The following SDK1 variants were observed in gnomAD, a reference collection of about 807,000 sequenced individuals.
SDK1 encodes the protein sidekick cell adhesion molecule 1.
In SDK1, 157 loss-of-function variants were observed where a neutral mutation model predicts 245.5. The observed-to-expected ratio is 0.64, with a 90% CI of 0.56 to 0.73. SDK1 has a LOEUF of 0.73. SDK1 is among the 30% of genes least tolerant of loss of function. The probability of loss-of-function intolerance (pLI) is 0.00; values close to 1 mark genes in which losing one functional copy is unlikely to be tolerated. For missense variants in SDK1, 3,583 were observed against 3,002.3 expected (o/e 1.19, Z -4.52); for synonymous variants, 1,647 against 1,278.5 (o/e 1.29, Z -6.15).
intron 18 of SDK1, among the ~76,000 whole-genome samples, chr7:4,050,125 C>G (rs972712855): frequency 2.6e-5 from 4 of 152,208 alleles, no homozygotes; most frequent in Non-Finnish European, 5.9e-5. Context: ...AATAGGTCCA[C>G]TAATCGTCTT....
At chr7:4,141,808 G>T (rs1283138974) in intron 28 of SDK1, among the ~76,000 whole-genome samples, 3 of 152,224 alleles carry the variant, frequency 2.0e-5, no homozygotes, top group Admixed American at 1.3e-4. Flanking sequence ...CCAGGCTGGA[G>T]TGCAGTGGCG....
At chr7:4,243,143 A>G (rs1786635311) in intron 43 of SDK1, among the ~76,000 whole-genome samples, 2 of 152,230 alleles carry the variant, frequency 1.3e-5, no homozygotes, top group Non-Finnish European at 1.5e-5. Flanking sequence ...TTAAGATATT[A>G]CATGCCCTGC....
Position 3,454,506 on chromosome 7 carries a change from C to T in SDK1, c.298+152622C>T, listed in dbSNP as rs1328849620. Among the ~76,000 whole-genome samples the T allele has an allele frequency of 6.6e-5, 10 of 151,566 alleles. No homozygotes were observed. The East Asian group carries it at 1.9e-3, about 29-fold the overall frequency. On this transcript the variant is annotated intron_variant, in intron 1 of 44. Transcript: ENST00000404826. ...GTCAAGATACAAAATAGTTGCATTACTGCAAGAGTCCCTTGGGTTGTCCTT... is the reference window on the plus strand; with the variant it reads ...GTCAAGATACAAAATAGTTGCATTATTGCAAGAGTCCCTTGGGTTGTCCTT...
At chr7:4,209,734 C>T (rs753701782) in intron 37 of SDK1, among the ~76,000 whole-genome samples, 5 of 152,166 alleles carry the variant, frequency 3.3e-5, no homozygotes, top group Non-Finnish European at 7.4e-5. Context: ...GTTTCATTTT[C>T]TATTTCCATC....
intron 1 of SDK1, among the ~76,000 whole-genome samples, chr7:3,436,290 A>G (rs1024906205): frequency 6.6e-6 from 1 of 152,182 alleles, no homozygotes; most frequent in Non-Finnish European, 1.5e-5. Context: ...TCGGTAAATT[A>G]AAGGATTTAG....
At chr7:3,818,118 G>A (rs1779554890) in intron 4 of SDK1, among the ~76,000 whole-genome samples, 1 of 152,146 alleles carries the variant, frequency 6.6e-6, no homozygotes, top group African/African-American at 2.4e-5. Context: ...CATGGAATTG[G>A]GAGTTAAAAT....
chr7:4,186,805 G>T (rs111883554), intron 35 of SDK1, among the ~76,000 whole-genome samples: 7 of 152,260 alleles, frequency 4.6e-5, no homozygotes, highest in African/African-American at 1.4e-4. Flanking sequence ...TCCTGGGCCC[G>T]TATAGACAGT....
At position 3,782,784 on chromosome 7, in the gene SDK1, G is replaced by A. The variant is rs1338598831; in HGVS notation, c.714-38666G>A. On this transcript the variant is annotated intron_variant, in intron 4 of 44. Transcript: ENST00000404826. ...AAAATTCAAAATTTGAATTTAATAT[G>A]TATTGCTTTTGCATTATTGTAAAGT... Among the ~76,000 whole-genome samples, 8 of 152,172 alleles carry A rather than the reference G, an allele frequency of 5.3e-5. No homozygotes were observed. The South Asian group carries it at 8.3e-4, about 16-fold the overall frequency.
chr7:3,701,924 C>CAAAAAAAAG (rs1784751113), intron 4 of SDK1, among the ~76,000 whole-genome samples: 1 of 85,682 alleles, frequency 1.2e-5, no homozygotes, highest in Non-Finnish European at 2.5e-5. Context: ...CGTGCATAAG[C>CAAAAAAAAG]AAAAAAAAAA....
chr7:4,240,488 C>T (rs144155740), intron 42 of SDK1, among the ~76,000 whole-genome samples: 112 of 152,274 alleles, frequency 7.4e-4, no homozygotes, highest in African/African-American at 2.6e-3. Flanking sequence ...AATCCCCTCT[C>T]CCAGGCAAGC....
intron 35 of SDK1, among the ~76,000 whole-genome samples, chr7:4,178,967 C>G (rs1296604963): frequency 3.9e-5 from 6 of 152,220 alleles, no homozygotes; most frequent in Non-Finnish European, 5.9e-5. Context: ...CTTCAGTGGG[C>G]TTCGGCAGTG....
At chr7:4,035,559 G>T (rs1788148011) in intron 17 of SDK1, among the ~76,000 whole-genome samples, 1 of 152,124 alleles carries the variant, frequency 6.6e-6, no homozygotes. Flanking sequence ...GAGTATTGTG[G>T]GGCTAAAGCA....
intron 5 of SDK1, among the ~76,000 whole-genome samples, chr7:3,853,913 C>A (rs1355150004): frequency 6.6e-6 from 1 of 152,026 alleles, no homozygotes; most frequent in Non-Finnish European, 1.5e-5. Flanking sequence ...TGCTTGAACT[C>A]GAGAGGCAAA....
intron 35 of SDK1, among the ~76,000 whole-genome samples, chr7:4,191,970 G>C (rs1368629999): frequency 1.3e-5 from 2 of 152,144 alleles, no homozygotes; most frequent in Admixed American, 1.3e-4. Flanking sequence ...CCACCCCCAG[G>C]CCTCTCTCAA....
intron 35 of SDK1, among the ~76,000 whole-genome samples, chr7:4,186,079 G>A (rs1782880244): frequency 6.6e-6 from 1 of 152,238 alleles, no homozygotes. Flanking sequence ...TTTCCCAGGA[G>A]CTCTAAAACA....
intron 1 of SDK1, among the ~76,000 whole-genome samples, chr7:3,544,888 C>T (rs1383341394): frequency 6.6e-6 from 1 of 152,182 alleles, no homozygotes; most frequent in Non-Finnish European, 1.5e-5. Flanking sequence ...CAGCTGCCAT[C>T]TCAGATGCTG....
intron 17 of SDK1, among the ~76,000 whole-genome samples, chr7:4,018,290 C>T (rs558827739): frequency 6.6e-6 from 1 of 152,354 alleles, no homozygotes; most frequent in Admixed American, 6.5e-5. Flanking sequence ...GCCCAATTCT[C>T]TCCCCAAATC....
At chr7:3,343,307 C>G (rs955913938) in intron 1 of SDK1, among the ~76,000 whole-genome samples, 1 of 152,152 alleles carries the variant, frequency 6.6e-6, no homozygotes, top group Non-Finnish European at 1.5e-5. Context: ...AACCACAGTA[C>G]TTCTGTATCA....
chr7:3,543,000 T>A (rs981915293), intron 1 of SDK1, among the ~76,000 whole-genome samples: 11 of 152,222 alleles, frequency 7.2e-5, no homozygotes, highest in African/African-American at 2.7e-4. Context: ...TTGGGGAGAT[T>A]ACACTTTATG....
Sources: allele counts gnomAD v4.1 joint callset (sites outside exome capture counted in the v4.1 genomes callset), GRCh38; gene constraint gnomAD v4.1.1; transcripts MANE v1.5; gene names NCBI Gene and HGNC (gene_info 2026-07-23, HGNC 2026-07-21).